The following GAN variants were observed in gnomAD, a reference collection of about 807,000 sequenced individuals.
GAN encodes the protein gigaxonin, also known as epididymis secretory sperm binding protein.
Under a neutral mutation model 71.3 loss-of-function variants are expected in GAN, and 48 were observed. The ratio of observed to expected loss-of-function variants is 0.67; its 90% CI spans 0.53 to 0.86. GAN has a LOEUF of 0.86. Among genes scored for constraint, GAN ranks in the 40% least tolerant of loss-of-function variants. GAN has a pLI of 0.00. For missense variants in GAN, 928 were observed against 770.1 expected, an observed-to-expected ratio of 1.21 and a Z score of -2.43; for synonymous variants, 386 against 276.8, an observed-to-expected ratio of 1.39 and a Z score of -3.92.
chr16:81,389,288 C>T lies in GAN; in HGVS notation c.*11692C>T, dbSNP rs150991442. 1 of 152,332 alleles carries T rather than the reference C, an allele frequency of 6.6e-6. No individual in the cohort carries two copies. Among genetic ancestry groups the T allele is most frequent in the East Asian group, 1.9e-4 (1 of 5,184 alleles). The allele number at this position is 152,332 out of a possible 1,614,324, so 9.4% of individuals were successfully genotyped here. A position where few individuals can be genotyped will look rare whatever the true frequency, so the allele number is the denominator to read the frequency against. Reference sequence around the variant, plus strand: ...TTCAGCTTGTGTTTGGTTCCTCGGTCTTGTACCCCTTCAGTTCGCCGGCGA... The same window carrying T: ...TTCAGCTTGTGTTTGGTTCCTCGGTTTTGTACCCCTTCAGTTCGCCGGCGA... On this transcript the variant is annotated 3_prime_UTR_variant, in exon 11 of 11. Transcript: ENST00000648994.
intron 1 of GAN, among the ~76,000 whole-genome samples, chr16:81,323,024 A>G (rs1164302415): frequency 6.6e-6 from 1 of 152,176 alleles, no homozygotes; most frequent in African/African-American, 2.4e-5. Context: ...TCTCCTCTCC[A>G]TGCTACAGCC....
chr16:81,360,027 A>T (rs1910620129), intron 5 of GAN, among the ~76,000 whole-genome samples: 1 of 118,016 alleles, frequency 8.5e-6, no homozygotes. Flanking sequence ...GGATGGATGG[A>T]TGGATGGATG....
At position 81,382,205 on chromosome 16, in the gene GAN, C is replaced by A. The variant is rs1414667759; in HGVS notation, c.*4609C>A. On this transcript the variant is annotated 3_prime_UTR_variant, in exon 11 of 11. Coordinates refer to ENST00000648994, the MANE Select transcript of GAN (RefSeq NM_022041.4). ...CTTCATTTCTCACTTTAGGGAGGAGCAAGAACCAAAAGCAGAAGCCAGGTC... is the reference window on the plus strand; with the variant it reads ...CTTCATTTCTCACTTTAGGGAGGAGAAAGAACCAAAAGCAGAAGCCAGGTC... The A allele has an allele frequency of 6.6e-6, 1 of 152,094 alleles. No homozygotes were observed. Among genetic ancestry groups the A allele is most frequent in the Admixed American group, 6.5e-5 (1 of 15,268 alleles). The allele number at this position is 152,094 out of a possible 1,614,324, so 9.4% of individuals were successfully genotyped here. A position where few individuals can be genotyped will look rare whatever the true frequency, so the allele number is the denominator to read the frequency against.
chr16:81,327,536 C>T (rs1005343488), intron 1 of GAN, among the ~76,000 whole-genome samples: 1 of 151,712 alleles, frequency 6.6e-6, no homozygotes, highest in East Asian at 1.9e-4. Context: ...AAGACAAGTA[C>T]AAAGACAATA....
At chr16:81,337,162 C>G (rs1375434624) in intron 1 of GAN, among the ~76,000 whole-genome samples, 1 of 152,100 alleles carries the variant, frequency 6.6e-6, no homozygotes, top group African/African-American at 2.4e-5. Context: ...GAAACAAATT[C>G]CCTACAGGAA....
intron 9 of GAN, among the ~76,000 whole-genome samples, chr16:81,375,486 T>G (rs1388428157): frequency 3.3e-5 from 5 of 151,610 alleles, no homozygotes; most frequent in Non-Finnish European, 7.4e-5. Context: ...GCCACCACAT[T>G]TGGCTAATTT....
At chr16:81,319,503 C>T (rs1361443204) in intron 1 of GAN, among the ~76,000 whole-genome samples, 1 of 152,022 alleles carries the variant, frequency 6.6e-6, no homozygotes, top group African/African-American at 2.4e-5. Context: ...TGAAAATGAA[C>T]GGCTATGTGC....
At chr16:81,367,325 C>T (rs756467226) in intron 9 of GAN, among the ~76,000 whole-genome samples, 1 of 152,034 alleles carries the variant, frequency 6.6e-6, no homozygotes, top group Non-Finnish European at 1.5e-5. Flanking sequence ...GAGTTCAAAA[C>T]CAGCCCGGCC....
chr16:81,316,285 A>G (rs1268348704), intron 1 of GAN, among the ~76,000 whole-genome samples: 1 of 152,178 alleles, frequency 6.6e-6, no homozygotes, highest in Non-Finnish European at 1.5e-5. Context: ...ACTACAATTG[A>G]CAGGTCAGAA....
intron 1 of GAN, among the ~76,000 whole-genome samples, chr16:81,338,677 A>G (rs558429008): frequency 2.6e-5 from 4 of 152,348 alleles, no homozygotes; most frequent in African/African-American, 9.6e-5. Context: ...TGAAGACAAT[A>G]AGGGAGAATA....
In GAN at chr16:81,369,461, A is replaced by G. The variant is rs537054300; in HGVS notation, c.1502+3983A>G. Reference sequence around the variant, plus strand: ...TAAAGTGGATCTCGGAAAATCTTGGAAAATTTTTATTTCAAACATGTTATC... The same window carrying G: ...TAAAGTGGATCTCGGAAAATCTTGGGAAATTTTTATTTCAAACATGTTATC... On this transcript the variant is annotated intron_variant, in intron 9 of 10. Coordinates refer to ENST00000648994, the MANE Select transcript of GAN (RefSeq NM_022041.4). 1.2e-4 allele frequency among the ~76,000 whole-genome samples: 19 copies of G among 152,352 alleles called. No homozygotes were observed. The South Asian group carries it at 3.7e-3, about 30-fold the overall frequency.
intron 1 of GAN, among the ~76,000 whole-genome samples, chr16:81,337,711 G>A (rs1231326767): frequency 1.3e-5 from 2 of 152,150 alleles, no homozygotes; most frequent in African/African-American, 2.4e-5. Context: ...AGTAGCCAAC[G>A]ACTTTTCTTA....
chr16:81,334,789 G>A (rs555670557), intron 1 of GAN, among the ~76,000 whole-genome samples: 3 of 152,292 alleles, frequency 2.0e-5, no homozygotes, highest in African/African-American at 2.4e-5. Context: ...CAGTGTGGTC[G>A]TTTGACTTCA....
chr16:81,365,310 G>C, intron 8 of GAN, 40 bp from the exon 9 acceptor site: 1 of 1,613,468 alleles, frequency 6.2e-7, no homozygotes, highest in Non-Finnish European at 8.5e-7. Context: ...ATCTCGCATT[G>C]TACAGCTTGT....
chr16:81,328,708 C>G (rs1305843007), intron 1 of GAN, among the ~76,000 whole-genome samples: 1 of 149,838 alleles, frequency 6.7e-6, no homozygotes, highest in South Asian at 2.1e-4. Flanking sequence ...TCCTTCATCA[C>G]TTTTGGAAAT....
At chr16:81,375,039 G>T (rs996029768) in intron 9 of GAN, among the ~76,000 whole-genome samples, 7 of 152,106 alleles carry the variant, frequency 4.6e-5, no homozygotes, top group Admixed American at 3.9e-4. Flanking sequence ...AAAAATCTTC[G>T]TATTGGGGTA....
At position 81,374,789 on chromosome 16, in the gene GAN, A is replaced by G. The variant is rs28805384; in HGVS notation, c.1503-2430A>G. ...TTTCTCTGCCTCAGCTCTGGGATCA[A>G]GCACTTCTTCATAGAGCCTCAAATC... On this transcript the variant is annotated intron_variant, in intron 9 of 10. Transcript: ENST00000648994. Among the ~76,000 whole-genome samples the G allele has an allele frequency of 8.5e-3, 1,289 of 152,304 alleles. 18 individuals are homozygous for G. The highest frequency in any genetic ancestry group is 0.03 in the African/African-American group (1,227 of 41,562).
intron 1 of GAN, among the ~76,000 whole-genome samples, chr16:81,333,725 A>G (rs896257270): frequency 6.6e-6 from 1 of 152,228 alleles, no homozygotes; most frequent in African/African-American, 2.4e-5. Flanking sequence ...CTGAATCCAT[A>G]CTTAGTACCT....
chr16:81,357,704 A>T (rs564026428), intron 4 of GAN, 106 bp from the exon 5 acceptor site: 21 of 1,129,560 alleles, frequency 1.9e-5, no homozygotes, highest in South Asian at 8.7e-5. Flanking sequence ...AAGGGTTTTT[A>T]AAAAATGTTT....
Sources: gnomAD v4.1 joint callset for allele counts (sites outside exome capture counted in the v4.1 genomes callset) on GRCh38, gnomAD v4.1.1 for gene constraint, MANE v1.5 for transcripts, NCBI Gene and HGNC (gene_info 2026-07-23, HGNC 2026-07-21) for gene names.